MOK: variants seen among roughly 807,000 people sequenced by gnomAD.
MOK encodes the protein MOK protein kinase.
Under a neutral mutation model 54.2 loss-of-function variants are expected in MOK, and 59 were observed. The ratio of observed to expected loss-of-function variants is 1.09; its 90% CI spans 0.88 to 1.35. MOK has a LOEUF of 1.35. Ranked by LOEUF, MOK falls within the 40% of genes most tolerant of loss-of-function variation. The pLI is 0.00. For synonymous variants in MOK, 210 were observed against 202.7 expected (o/e 1.04, Z -0.31); for missense variants, 517 against 526.2 (o/e 0.98, Z 0.17).
At chr14:102,218,224 A>G in the MOK span, among the ~76,000 whole-genome samples, 1 of 152,258 alleles carries the variant, frequency 6.6e-6, no homozygotes, top group Non-Finnish European at 1.5e-5. Flanking sequence ...TTGAATGACC[A>G]GAGAGGGTAT....
chr14:102,223,017 G>A (rs947751441), downstream of MOK: 14 of 1,039,152 alleles, frequency 1.3e-5, no homozygotes, highest in East Asian at 5.1e-5. Context: ...CCGTGTGGAC[G>A]GTGACCGGCT....
At chr14:102,297,476 T>C (rs1001046825) in intron 1 of MOK, among the ~76,000 whole-genome samples, 3 of 152,212 alleles carry the variant, frequency 2.0e-5, no homozygotes, top group East Asian at 1.9e-4. Context: ...ATGAAAATAC[T>C]AGTGAGAGGT....
At chr14:102,300,337 A>G (rs2072033538) in intron 1 of MOK, among the ~76,000 whole-genome samples, 1 of 150,640 alleles carries the variant, frequency 6.6e-6, no homozygotes, top group African/African-American at 2.4e-5. Context: ...AAAAAAAAAA[A>G]AAAAAAAAAG....
chr14:102,303,144 C>G (rs945797848), intron 1 of MOK, among the ~76,000 whole-genome samples: 17 of 150,406 alleles, frequency 1.1e-4, no homozygotes, highest in Admixed American at 4.7e-4. Context: ...CAGGGTGACA[C>G]AGAGAGACCC....
In MOK at chr14:102,261,397, AAAAAAAAAAAAAAAAAAAAAAATATATAT is replaced by A. The variant is rs1416424513; in HGVS notation, c.283+2120_283+2148del. Among the ~76,000 whole-genome samples, 6 of 68,476 alleles carry A rather than the reference AAAAAAAAAAAAAAAAAAAAAAATATATAT, an allele frequency of 8.8e-5. No individual in the cohort carries two copies. The Admixed American group carries it at 9.7e-4, about 11-fold the overall frequency. 44.9% of individuals were successfully genotyped at this position (68,476 alleles called of 152,430 possible). ...TCGCGCCACGTCTCAAAAAAAAAAA[AAAAAAAAAAAAAAAAAAAAAAATATATAT>A]ATATATATATATATATATATATATA... On this transcript the variant is annotated intron_variant, in intron 4 of 11. Transcript: ENST00000361847.
chr14:102,281,049 C>T (rs988597020), intron 2 of MOK, among the ~76,000 whole-genome samples: 2 of 152,026 alleles, frequency 1.3e-5, no homozygotes, highest in Non-Finnish European at 2.9e-5. Context: ...TTAGGCTGGG[C>T]ATGGTGGCTC....
chr14:102,290,146 A>AG, intron 1 of MOK, among the ~76,000 whole-genome samples: 1 of 149,950 alleles, frequency 6.7e-6, no homozygotes, highest in East Asian at 1.9e-4. Context: ...ACTTAGAGAA[A>AG]AAAAAAAAAA....
At position 102,238,982 on chromosome 14, in the gene MOK, C is replaced by A. The variant is rs1386005969; in HGVS notation, c.591-5193G>T. 6.6e-6 allele frequency among the ~76,000 whole-genome samples: 1 copy of A among 152,194 alleles called. No individual in the cohort carries two copies. Among genetic ancestry groups the A allele is most frequent in the Non-Finnish European group, 1.5e-5 (1 of 68,034 alleles). ...CAAAAACACAAGACTACTTCTCACTCTTATAGACATCTTCTCTGGGTGGGT... is the reference window on the plus strand; with the variant it reads ...CAAAAACACAAGACTACTTCTCACTATTATAGACATCTTCTCTGGGTGGGT... On this transcript the variant is annotated intron_variant, in intron 7 of 11. Coordinates refer to ENST00000361847, the MANE Select transcript of MOK (RefSeq NM_014226.3). This position sits in a 1 kb window ranked among gnomAD's most constrained non-coding sequence, Gnocchi z 4.8.
Position 102,238,926 on chromosome 14 carries a change from G to A in MOK, c.591-5137C>T, listed in dbSNP as rs928043984. On this transcript the variant is annotated intron_variant, in intron 7 of 11. Coordinates refer to ENST00000361847, the MANE Select transcript of MOK (RefSeq NM_014226.3). The surrounding 1 kb of genome is among the most constrained non-coding windows in gnomAD (Gnocchi z 4.8). ...AGAGGAACACTCCCAGGGGAAGACT[G>A]GCAAATAGACTTCACCCACATGCCT... Among the ~76,000 whole-genome samples, 3 of 152,144 alleles carry A rather than the reference G, an allele frequency of 2.0e-5. No homozygotes were observed. The highest frequency in any genetic ancestry group is 7.2e-5 in the African/African-American group (3 of 41,424).
downstream of MOK, among the ~76,000 whole-genome samples, chr14:102,219,608 C>G (rs185733610): frequency 6.6e-6 from 1 of 152,368 alleles, no homozygotes; most frequent in East Asian, 1.9e-4. Context: ...CCCCTTTGCT[C>G]TGACGGGCGG....
intron 1 of MOK, among the ~76,000 whole-genome samples, chr14:102,292,499 C>CA (rs1217679143): frequency 1.3e-5 from 2 of 151,600 alleles, no homozygotes; most frequent in Admixed American, 1.3e-4. Flanking sequence ...CAAAACAAAA[C>CA]AAAAAAACAA....
downstream of MOK, among the ~76,000 whole-genome samples, chr14:102,220,481 T>C (rs1297172443): frequency 6.6e-6 from 1 of 152,216 alleles, no homozygotes; most frequent in Non-Finnish European, 1.5e-5. The surrounding 1 kb of genome is among the most constrained non-coding windows in gnomAD (Gnocchi z 4.2). Context: ...CCCAGCACTT[T>C]GGGAGGCCAA....
At position 102,278,704 on chromosome 14, in the gene MOK, G is replaced by T. The variant is rs1014198238; in HGVS notation, c.122+4774C>A. The T allele has an allele frequency of 1.5e-5, 7 of 455,926 alleles. No individual in the cohort carries two copies. In the East Asian group the frequency reaches 3.5e-4, roughly 23 times the overall value. The allele number at this position is 455,926 out of a possible 1,614,324, so 28.2% of individuals were successfully genotyped here. A position where few individuals can be genotyped will look rare whatever the true frequency, so the allele number is the denominator to read the frequency against. On this transcript the variant is annotated intron_variant, in intron 2 of 11. Transcript: ENST00000361847. ...ATTTCAATTCCCTAGTCTGAAAGAT[G>T]TAACAATGGATCTTCCTCCCAGGGC... is the stretch of plus-strand genomic sequence containing the variant.
rs776771177 is a variant in MOK, at chr14:102,231,698, G to A, written c.981+9C>T. The A allele has an allele frequency of 1.4e-5, 22 of 1,608,044 alleles. No homozygotes were observed. Among genetic ancestry groups the A allele is most frequent in the East Asian group, 2.2e-5 (1 of 44,770 alleles). ...CTAGGCAGTCTCCGGCTCCGATTTC[G>A]CTTAGTACCTGCTTTCTGCCCTCCT... On this transcript the variant is annotated intron_variant, in intron 10 of 11. Transcript: ENST00000361847. This position sits in a 1 kb window ranked among gnomAD's most constrained non-coding sequence, Gnocchi z 4.4.
chr14:102,229,919 G>A (rs539132886), intron 10 of MOK: 308 of 453,642 alleles, frequency 6.8e-4, no homozygotes, highest in Non-Finnish European at 9.3e-4. Flanking sequence ...AAGGGCTCGC[G>A]GGCTGTGGTG....
At chr14:102,280,320 C>A (rs2069284532) in intron 2 of MOK, among the ~76,000 whole-genome samples, 1 of 152,044 alleles carries the variant, frequency 6.6e-6, no homozygotes, top group Non-Finnish European at 1.5e-5. Flanking sequence ...GAGATCCTCC[C>A]ACTTCAGCCT....
At chr14:102,275,801 C>A (rs1243492091) in intron 2 of MOK, among the ~76,000 whole-genome samples, 6 of 152,106 alleles carry the variant, frequency 3.9e-5, no homozygotes, top group Non-Finnish European at 8.8e-5. Flanking sequence ...AGGCAAACCA[C>A]AGACTTGGAG....
intron 4 of MOK, among the ~76,000 whole-genome samples, chr14:102,254,827 C>T (rs2066803121): frequency 6.6e-6 from 1 of 152,182 alleles, no homozygotes; most frequent in Non-Finnish European, 1.5e-5. Flanking sequence ...CCCTCATGGA[C>T]TCTTCTCTGG....
chr14:102,268,142 TCTC>T (rs1450104512), intron 2 of MOK, among the ~76,000 whole-genome samples: 1 of 152,238 alleles, frequency 6.6e-6, no homozygotes, highest in East Asian at 1.9e-4. Context: ...TATCCATTCT[TCTC>T]CTCTGTAATA....
Sources: allele counts gnomAD v4.1 joint callset (sites outside exome capture counted in the v4.1 genomes callset), GRCh38; gene constraint gnomAD v4.1.1; non-coding constraint Gnocchi (gnomAD v3.1); transcripts MANE v1.5; gene names NCBI Gene and HGNC (gene_info 2026-07-23, HGNC 2026-07-21).